Variants in SNAP91 observed in about 807,000 individuals in gnomAD.
SNAP91 encodes the protein synaptosome associated protein 91.
Under a neutral mutation model 100.3 loss-of-function variants are expected in SNAP91, and 27 were observed. The observed-to-expected ratio is 0.27, with a 90% CI of 0.20 to 0.37. The LOEUF is 0.37. SNAP91 is among the 10% of genes least tolerant of loss of function. The pLI is 1.00. For missense variants in SNAP91, 986 were observed against 1,123.7 expected (o/e 0.88, Z 1.75); for synonymous variants, 404 against 398.6 (o/e 1.01, Z -0.16).
intron 7 of SNAP91, among the ~76,000 whole-genome samples, chr6:83,648,900 T>C (rs2098078525): frequency 6.6e-6 from 1 of 152,180 alleles, no homozygotes; most frequent in Non-Finnish European, 1.5e-5. Flanking sequence ...TGTATTTTCA[T>C]TCTTAATGAT....
At chr6:83,632,881 C>T (rs12198480) in intron 8 of SNAP91, among the ~76,000 whole-genome samples, 43,870 of 152,074 alleles carry the variant, frequency 0.29, 6,656 homozygotes, top group South Asian at 0.35. Context: ...AATTCTTTAT[C>T]AGGTAAATCA....
intron 22 of SNAP91, among the ~76,000 whole-genome samples, chr6:83,590,383 T>C (rs1010238999): frequency 2.0e-4 from 31 of 152,188 alleles, no homozygotes; most frequent in African/African-American, 6.3e-4. Context: ...GACCAATACT[T>C]GGCTTTTACT....
intron 2 of SNAP91, among the ~76,000 whole-genome samples, chr6:83,673,309 A>G (rs2098814940): frequency 6.6e-6 from 1 of 152,080 alleles, no homozygotes; most frequent in South Asian, 2.1e-4. Context: ...GGCCTCATGA[A>G]TGGGATTAGT....
intron 26 of SNAP91, among the ~76,000 whole-genome samples, chr6:83,572,274 G>T (rs1031856018): frequency 6.6e-6 from 1 of 152,004 alleles, no homozygotes; most frequent in Non-Finnish European, 1.5e-5. Context: ...TTGAGACAGG[G>T]ACTCACTGTC....
chr6:83,640,933 G>A lies in SNAP91; in HGVS notation c.765+163C>T, dbSNP rs1428486169. Among the ~76,000 whole-genome samples, 3 of 152,132 alleles carry A rather than the reference G, an allele frequency of 2.0e-5. No individual in the cohort carries two copies. In the East Asian group the frequency reaches 5.8e-4, roughly 29 times the overall value. On this transcript the variant is annotated intron_variant, in intron 8 of 29. Coordinates refer to ENST00000369694, the MANE Select transcript of SNAP91 (RefSeq NM_001242792.2). ...TACAGCTCTGAGTGAGAAGTTGGAT[G>A]ACACGACTTCCAAAGTCACTTCCAA...
chr6:83,579,790 C>T (rs1369172386), intron 24 of SNAP91, among the ~76,000 whole-genome samples: 1 of 152,164 alleles, frequency 6.6e-6, no homozygotes, highest in Non-Finnish European at 1.5e-5. Context: ...TTACCCCTTT[C>T]CCTTCAAAAT....
chr6:83,587,156 T>A (rs1442684989), intron 22 of SNAP91, among the ~76,000 whole-genome samples: 1 of 152,174 alleles, frequency 6.6e-6, no homozygotes, highest in Non-Finnish European at 1.5e-5. Context: ...TTAAAATGGT[T>A]CTTAATGTTT....
At chr6:83,636,962 G>A (rs2097481863) in intron 8 of SNAP91, among the ~76,000 whole-genome samples, 1 of 152,134 alleles carries the variant, frequency 6.6e-6, no homozygotes, top group African/African-American at 2.4e-5. Context: ...TTATAGATGG[G>A]CTCCTGTGGT....
intron 5 of SNAP91, among the ~76,000 whole-genome samples, chr6:83,660,935 C>T (rs1446182421): frequency 2.0e-5 from 3 of 151,968 alleles, no homozygotes; most frequent in Non-Finnish European, 2.9e-5. Context: ...CACACCACCA[C>T]GCCTGACTAA....
chr6:83,682,599 ATACTT>A (rs1281529017), intron 2 of SNAP91, among the ~76,000 whole-genome samples: 1 of 151,634 alleles, frequency 6.6e-6, no homozygotes, highest in Non-Finnish European at 1.5e-5. Flanking sequence ...TATTATTATT[ATACTT>A]TAAGTTTTAG....
At chr6:83,695,278 A>T (rs1460527081) in intron 2 of SNAP91, among the ~76,000 whole-genome samples, 1 of 22,916 alleles carries the variant, frequency 4.4e-5, no homozygotes, top group African/African-American at 9.2e-5. Flanking sequence ...CTCCATCTCA[A>T]AAAAAAAAAA....
intron 22 of SNAP91, 47 bp from the exon 23 acceptor site, chr6:83,582,403 GT>G: frequency 6.4e-7 from 1 of 1,559,718 alleles, no homozygotes. Context: ...ATAAAGGTGG[GT>G]AAAGGCCATA....
At chr6:83,610,740 T>TATAC (rs2095987113) in intron 11 of SNAP91, 63 bp from the exon 12 acceptor site, 1 of 176,868 alleles carries the variant, frequency 5.7e-6, no homozygotes, top group South Asian at 2.4e-4. Context: ...TATATATATA[T>TATAC]ATATATAAAT....
At chr6:83,701,551 A>C (rs1368276622) in intron 2 of SNAP91, among the ~76,000 whole-genome samples, 2 of 151,982 alleles carry the variant, frequency 1.3e-5, no homozygotes, top group South Asian at 4.1e-4. Context: ...GGTTCAAGCA[A>C]TTCTCCTGCC....
chr6:83,575,516 G>A (rs963184605), intron 25 of SNAP91: 4 of 246,724 alleles, frequency 1.6e-5, no homozygotes, highest in Non-Finnish European at 3.1e-5. Context: ...AGAGGGTTCA[G>A]CAGAATGTTT....
At chr6:83,696,454 C>T (rs1004785947) in intron 2 of SNAP91, among the ~76,000 whole-genome samples, 2 of 152,186 alleles carry the variant, frequency 1.3e-5, no homozygotes, top group African/African-American at 4.8e-5. Context: ...GGCTGATCAA[C>T]TTCTAAGATT....
intron 7 of SNAP91, 105 bp downstream of exon 7, chr6:83,656,649 C>A: frequency 1.2e-5 from 6 of 516,246 alleles, no homozygotes; most frequent in South Asian, 1.0e-4. Context: ...CATGATATTC[C>A]ACACAATATT....
chr6:83,687,958 T>C (rs1174668341), intron 2 of SNAP91, among the ~76,000 whole-genome samples: 2 of 152,206 alleles, frequency 1.3e-5, no homozygotes, highest in South Asian at 4.1e-4. Context: ...TGAGATAAGA[T>C]AGGTTGAGGG....
Position 83,641,250 on chromosome 6 carries a change from AT to A in SNAP91, c.659-49del, listed in dbSNP as rs577728393. ...CAATTTGAAAAGAGTATTATGTTCT[AT>A]TTTTTTCTAAGCTTATGTTAAGATT... On this transcript the variant is annotated intron_variant, in intron 7 of 29. Transcript: ENST00000369694. The A allele has an allele frequency of 9.8e-4, 802 of 818,122 alleles. 2 individuals carry two copies. The highest frequency in any genetic ancestry group is 2.0e-3 in the Middle Eastern group (7 of 3,530). The allele number at this position is 818,122 out of a possible 1,614,324, so 50.7% of individuals were successfully genotyped here.
Sources: gnomAD v4.1 joint callset for allele counts (sites outside exome capture counted in the v4.1 genomes callset) on GRCh38, gnomAD v4.1.1 for gene constraint, MANE v1.5 for transcripts, NCBI Gene and HGNC (gene_info 2026-07-23, HGNC 2026-07-21) for gene names.